The following MTO1 variants were observed in gnomAD, a reference collection of about 807,000 sequenced individuals.
The protein encoded by MTO1 is 5-taurinomethyluridine-[tRNA] synthase subunit MTO1, mitochondrial.
Under a neutral mutation model 71.6 loss-of-function variants are expected in MTO1, and 46 were observed. The observed-to-expected ratio is 0.64, with a 90% confidence interval of 0.51 to 0.82. The LOEUF is 0.82. MTO1 is among the 40% of genes least tolerant of loss of function. MTO1 has a pLI of 0.00. For synonymous variants in MTO1, 297 were observed against 312.1 expected, an observed-to-expected ratio of 0.95 and a Z score of 0.51; for missense variants, 773 against 867.5, an observed-to-expected ratio of 0.89 and a Z score of 1.37.
At chr6:73,487,722 C>T (rs1771695535) in intron 9 of MTO1, 1 of 151,970 alleles carries the variant, frequency 6.6e-6, no homozygotes, top group Non-Finnish European at 1.5e-5. Flanking sequence ...ACCTGGTAAT[C>T]CCCCACTCCT....
At chr6:73,482,697 C>A in intron 9 of MTO1, 77 bp downstream of exon 9, 2 of 1,218,246 alleles carry the variant, frequency 1.6e-6, no homozygotes, top group Non-Finnish European at 2.3e-6. Flanking sequence ...AGAGACATTA[C>A]CTATGTGTTC....
chr6:73,508,241 A>G lies in MTO1; in HGVS notation c.*7506A>G, dbSNP rs936649837. On this transcript the variant is annotated 3_prime_UTR_variant, in exon 12 of 12. Transcript: ENST00000498286. ...CTTAAAATATTCCTCCTATATCTGA[A>G]GACAATAATAATTTCTTAGAATTTG... 1 of 152,182 alleles carries G rather than the reference A, an allele frequency of 6.6e-6. No homozygotes were observed. Among genetic ancestry groups the G allele is most frequent in the Non-Finnish European group, 1.5e-5 (1 of 68,026 alleles). 9.4% of individuals were successfully genotyped at this position (152,182 alleles called of 1,614,324 possible). A position where few individuals can be genotyped will look rare whatever the true frequency, so the allele number is the denominator to read the frequency against.
Position 73,462,039 on chromosome 6 carries a change from C to G in MTO1, c.185C>G (p.Thr62Ser), listed in dbSNP as rs748601522. Residue 62 changes from threonine to serine, a missense_variant, in exon 1 of 12, where the codon ACT becomes AGT. By Grantham distance (58) the Thr-to-Ser change is moderately conservative. Transcript: ENST00000498286. ...ATAAARCGSR[T>S]LLLTHRVDTI... ...GCCGCCGCTCGGTGCGGCTCTCGGA[C>G]TCTGCTCCTCACTCACCGCGTGGAC... 1 of 1,613,980 alleles carries G rather than the reference C, an allele frequency of 6.2e-7. No homozygotes were observed. Among genetic ancestry groups the G allele is most frequent in the South Asian group, 1.1e-5 (1 of 91,080 alleles).
At chr6:73,492,646 C>A (rs1771844151) in intron 10 of MTO1, 1 of 234,424 alleles carries the variant, frequency 4.3e-6, no homozygotes, top group Non-Finnish European at 8.6e-6. Flanking sequence ...CCTGTCTCTA[C>A]AAAAAAAATA....
At chr6:73,475,618 A>T (rs752741283) in intron 4 of MTO1, among the ~76,000 whole-genome samples, 1 of 151,524 alleles carries the variant, frequency 6.6e-6, no homozygotes, top group African/African-American at 2.4e-5. Context: ...GGGTTCGAGC[A>T]ATTCTCCCGC....
rs2150031358 is a variant in MTO1, at chr6:73,473,370, G to A, written c.541G>A (p.Gly181Arg). The change falls in exon 4 of 12, where the codon GGA becomes AGA. Residue 181 changes from glycine to arginine, a missense_variant. Gly to Arg is a moderately radical substitution (Grantham distance 125). Transcript: ENST00000498286. Reference protein sequence around the residue: ...CRVSGVVLVDGSTVYAESVIL... With the variant: ...CRVSGVVLVDRSTVYAESVIL... ...TCTTTTTTCTTGTTATTTAGTGGAT[G>A]GAAGCACAGTATATGCAGAGAGTGT... The A allele has an allele frequency of 1.2e-6, 2 of 1,603,040 alleles. No homozygotes were observed. The highest frequency in any genetic ancestry group is 2.2e-5 in the East Asian group (1 of 44,706).
rs148721123 is a variant in MTO1, at chr6:73,499,812, A to T, written c.1918-762A>T. On this transcript the variant is annotated intron_variant, in intron 11 of 11. Transcript: ENST00000498286. ...AGCAAAACTGAGCTCAGCTCAGAAG[A>T]GGCTATATGGTCTTTATACTGTTCA... is the stretch of plus-strand genomic sequence containing the variant. Among the ~76,000 whole-genome samples, 360 of 152,346 alleles carry T rather than the reference A, an allele frequency of 2.4e-3. 5 individuals carry two copies. The highest frequency in any genetic ancestry group is 8.4e-3 in the African/African-American group (350 of 41,586).
chr6:73,500,951 G>A lies in MTO1; in HGVS notation c.*216G>A. The A allele has an allele frequency of 2.8e-6, 1 of 363,106 alleles. No individual in the cohort carries two copies. Among genetic ancestry groups the A allele is most frequent in the African/African-American group, 2.1e-5 (1 of 47,892 alleles). 22.5% of individuals were successfully genotyped at this position (363,106 alleles called of 1,614,324 possible). On this transcript the variant is annotated 3_prime_UTR_variant, in exon 12 of 12. Coordinates refer to ENST00000498286, the MANE Select transcript of MTO1 (RefSeq NM_012123.4). ...ATTTGTACTCTTTCTTTAAGGAGCT[G>A]TAATACAAATAACTTTGTGCAGTGT...
rs370696739 is a variant in MTO1, at chr6:73,470,479, T to C, written c.536-2886T>C. 5.3e-4 allele frequency among the ~76,000 whole-genome samples: 80 copies of C among 152,250 alleles called. 2 individuals carry two copies. In the East Asian group the frequency reaches 0.014, roughly 26 times the overall value. On this transcript the variant is annotated intron_variant, in intron 3 of 11. Coordinates refer to ENST00000498286, the MANE Select transcript of MTO1 (RefSeq NM_012123.4). ...CCTCGGCCTCCCAAAGTGCTGGGAT[T>C]ACAGGCATGAGCCACCGCGCGTGGC...
Position 73,497,457 on chromosome 6 carries a change from A to G in MTO1, c.1757-279A>G, listed in dbSNP as rs570106547. Among the ~76,000 whole-genome samples the G allele has an allele frequency of 3.7e-4, 56 of 152,068 alleles. 1 individual carries two copies. The South Asian group carries it at 8.3e-3, about 23-fold the overall frequency. On this transcript the variant is annotated intron_variant, in intron 10 of 11. Coordinates refer to ENST00000498286, the MANE Select transcript of MTO1 (RefSeq NM_012123.4). Reference sequence around the variant, plus strand: ...GCATGAGCCACCATGCCTGGCCACAAATTCTTTTTTTACTTTTAATTTTCC... The same window carrying G: ...GCATGAGCCACCATGCCTGGCCACAGATTCTTTTTTTACTTTTAATTTTCC...
chr6:73,484,104 C>G (rs1771590398), intron 9 of MTO1, among the ~76,000 whole-genome samples: 1 of 151,942 alleles, frequency 6.6e-6, no homozygotes, highest in Admixed American at 6.6e-5. Flanking sequence ...ATGAGGGTTT[C>G]CCAAAGCACT....
At chr6:73,467,883 C>T (rs1339053616) in intron 3 of MTO1, among the ~76,000 whole-genome samples, 1 of 151,982 alleles carries the variant, frequency 6.6e-6, no homozygotes, top group Admixed American at 6.6e-5. Flanking sequence ...TGCAGTGGTG[C>T]GATATCGGCT....
At chr6:73,475,659 C>T (rs1053163833) in intron 4 of MTO1, among the ~76,000 whole-genome samples, 9 of 152,208 alleles carry the variant, frequency 5.9e-5, no homozygotes, top group Admixed American at 5.2e-4. Flanking sequence ...GGATTACAGG[C>T]ATGTGCCACC....
rs1051946635 is a variant in MTO1, at chr6:73,509,162, G to C, written c.*8427G>C. 4 of 152,136 alleles carry C rather than the reference G, an allele frequency of 2.6e-5. No individual in the cohort carries two copies. The highest frequency in any genetic ancestry group is 5.9e-5 in the Non-Finnish European group (4 of 68,030). 9.4% of individuals were successfully genotyped at this position (152,136 alleles called of 1,614,324 possible). A position where few individuals can be genotyped will look rare whatever the true frequency, so the allele number is the denominator to read the frequency against. ...TTTTTCATTTGGTATTAGCCATCTG[G>C]TATTTAACCTCTGAAAACCACACAA... On this transcript the variant is annotated 3_prime_UTR_variant, in exon 12 of 12. Coordinates refer to ENST00000498286, the MANE Select transcript of MTO1 (RefSeq NM_012123.4).
chr6:73,474,160 T>G (rs1771241550), intron 4 of MTO1, among the ~76,000 whole-genome samples: 1 of 151,894 alleles, frequency 6.6e-6, no homozygotes, highest in South Asian at 2.1e-4. Flanking sequence ...TGGCACGATC[T>G]CAGCTCACTG....
At chr6:73,463,046 CAG>C (rs1206812435) in intron 1 of MTO1, among the ~76,000 whole-genome samples, 4 of 144,866 alleles carry the variant, frequency 2.8e-5, no homozygotes, top group African/African-American at 5.1e-5. Flanking sequence ...TCTTTTGAGA[CAG>C]AGTCTTGCAC....
In MTO1 at chr6:73,504,328, A is replaced by G. The variant is rs1458882602; in HGVS notation, c.*3593A>G. 6.6e-6 allele frequency: 1 copy of G among 152,142 alleles called. No homozygotes were observed. The highest frequency in any genetic ancestry group is 2.4e-5 in the African/African-American group (1 of 41,430). The allele number at this position is 152,142 out of a possible 1,614,324, so 9.4% of individuals were successfully genotyped here. ...TAAGTTTTTGTAGATATGGGGTCTTACTATGTTGCCCAGGCTGGTCTCAAA... is the reference window on the plus strand; with the variant it reads ...TAAGTTTTTGTAGATATGGGGTCTTGCTATGTTGCCCAGGCTGGTCTCAAA... On this transcript the variant is annotated 3_prime_UTR_variant, in exon 12 of 12. Coordinates refer to ENST00000498286, the MANE Select transcript of MTO1 (RefSeq NM_012123.4).
chr6:73,474,729 C>T (rs1359780727), intron 4 of MTO1, among the ~76,000 whole-genome samples: 1 of 151,542 alleles, frequency 6.6e-6, no homozygotes, highest in South Asian at 2.1e-4. Flanking sequence ...GCTGGGATTA[C>T]AGATGTGAGC....
At chr6:73,499,393 G>A (rs1467944983) in intron 11 of MTO1, among the ~76,000 whole-genome samples, 1 of 151,856 alleles carries the variant, frequency 6.6e-6, no homozygotes, top group Non-Finnish European at 1.5e-5. Flanking sequence ...GCAGTGGCAT[G>A]CACCTATAGT....
Sources: gnomAD v4.1 joint callset for allele counts (sites outside exome capture counted in the v4.1 genomes callset) on GRCh38, gnomAD v4.1.1 for gene constraint, MANE v1.5 for transcripts, NCBI Gene and HGNC (gene_info 2026-07-23, HGNC 2026-07-21) for gene names.